Variants in CNBD1 observed in about 807,000 individuals in gnomAD.
The protein encoded by CNBD1 is cyclic nucleotide binding domain containing 1.
A neutral mutation model predicts 54.4 loss-of-function variants in CNBD1; 71 were observed. That is an observed-to-expected ratio of 1.30 (90% CI 1.08 to 1.59). The LOEUF (loss-of-function observed/expected upper bound fraction) is 1.59, where lower values mean the gene tolerates loss of function less well. CNBD1 is among the 40% of genes most tolerant of loss of function. The probability of loss-of-function intolerance (pLI) is 0.00; values close to 1 mark genes in which losing one functional copy is unlikely to be tolerated. For synonymous variants in CNBD1, 182 were observed against 170.7 expected, an observed-to-expected ratio of 1.07 and a Z score of -0.51; for missense variants, 659 against 518.0, an observed-to-expected ratio of 1.27 and a Z score of -2.64.
At chr8:87,336,403 C>A (rs1426174184) in intron 8 of CNBD1, among the ~76,000 whole-genome samples, 2 of 151,966 alleles carry the variant, frequency 1.3e-5, no homozygotes, top group Admixed American at 6.6e-5. Flanking sequence ...TCCTTTTCCC[C>A]TTTTTTCCTC....
rs78611918 is a variant in CNBD1, at chr8:87,269,511, G to A, written c.772-15167G>A. Among the ~76,000 whole-genome samples, 1,687 of 152,176 alleles carry A rather than the reference G, an allele frequency of 0.011. 54 individuals are homozygous for A. The East Asian group carries it at 0.12, about 10-fold the overall frequency. On this transcript the variant is annotated intron_variant, in intron 6 of 10. Transcript: ENST00000518476. Reference sequence around the variant, plus strand: ...GCATTGACTATAATTGCTTTGGGCCGTATGGCCATTTTAACAATATTTATT... The same window carrying A: ...GCATTGACTATAATTGCTTTGGGCCATATGGCCATTTTAACAATATTTATT...
intron 5 of CNBD1, among the ~76,000 whole-genome samples, chr8:87,226,680 A>G (rs1000125032): frequency 6.6e-6 from 1 of 151,852 alleles, no homozygotes; most frequent in Non-Finnish European, 1.5e-5. Context: ...CAATTTTGGA[A>G]TAGGTGTGGT....
At chr8:86,885,339 C>T (rs1199254898) in intron 1 of CNBD1, among the ~76,000 whole-genome samples, 1 of 152,062 alleles carries the variant, frequency 6.6e-6, no homozygotes, top group Non-Finnish European at 1.5e-5. Context: ...TAAAGATAAT[C>T]GGTTTTTTAA....
At chr8:87,058,035 T>C (rs1421749634) in intron 4 of CNBD1, among the ~76,000 whole-genome samples, 1 of 151,512 alleles carries the variant, frequency 6.6e-6, no homozygotes, top group Non-Finnish European at 1.5e-5. Flanking sequence ...CTAGATACAA[T>C]GGGGATACAG....
intron 1 of CNBD1, among the ~76,000 whole-genome samples, chr8:86,883,884 G>T (rs1044321358): frequency 6.6e-6 from 1 of 152,036 alleles, no homozygotes; most frequent in African/African-American, 2.4e-5. Flanking sequence ...GGGCGCGGTG[G>T]CTCACGCCTG....
intron 4 of CNBD1, among the ~76,000 whole-genome samples, chr8:87,165,002 T>A (rs1340955306): frequency 1.3e-5 from 2 of 151,974 alleles, no homozygotes; most frequent in African/African-American, 4.8e-5. Context: ...ACAAGATTTT[T>A]TTTTTACTTC....
intron 10 of CNBD1, among the ~76,000 whole-genome samples, chr8:87,371,398 T>A (rs1810791568): frequency 6.6e-6 from 1 of 152,054 alleles, no homozygotes; most frequent in African/African-American, 2.4e-5. Context: ...TCCTCTTTTA[T>A]TTCATTGAGC....
intron 4 of CNBD1, among the ~76,000 whole-genome samples, chr8:87,192,418 A>G (rs1042051602): frequency 6.6e-6 from 1 of 152,246 alleles, no homozygotes; most frequent in Non-Finnish European, 1.5e-5. Context: ...GGAAATCACT[A>G]TAATAAAAAT....
rs183655886 is a variant in CNBD1 at position 86,952,207 on chromosome 8, C to G, written c.431+12453C>G. 1.9e-3 allele frequency among the ~76,000 whole-genome samples: 287 copies of G among 152,216 alleles called. 2 individuals carry two copies. Among genetic ancestry groups the G allele is most frequent in the Middle Eastern group, 6.8e-3 (2 of 294 alleles). On this transcript the variant is annotated intron_variant, in intron 4 of 10. Transcript: ENST00000518476. ...ATATCTCCCTATAACATACAAAACC[C>G]AAGCTGTTCCCTGACCACTTTGGGC...
chr8:87,343,339 C>T (rs1327716941), intron 8 of CNBD1, among the ~76,000 whole-genome samples: 1 of 152,052 alleles, frequency 6.6e-6, no homozygotes, highest in Non-Finnish European at 1.5e-5. Flanking sequence ...ATCACAGGGT[C>T]CTGAGGTGAC....
intron 10 of CNBD1, among the ~76,000 whole-genome samples, chr8:87,370,207 T>C (rs1810747524): frequency 1.3e-5 from 2 of 152,070 alleles, no homozygotes; most frequent in Non-Finnish European, 2.9e-5. Context: ...TGTGTCTTTA[T>C]AGCAGCATGA....
At chr8:87,226,822 C>T (rs1478050879) in intron 5 of CNBD1, among the ~76,000 whole-genome samples, 7 of 151,206 alleles carry the variant, frequency 4.6e-5, no homozygotes, top group Non-Finnish European at 1.0e-4. Context: ...GTTGATCTGT[C>T]TAATGTTGAC....
intron 2 of CNBD1, among the ~76,000 whole-genome samples, chr8:87,420,371 G>A (rs550193490): frequency 2.0e-5 from 3 of 152,034 alleles, no homozygotes; most frequent in South Asian, 2.1e-4. Flanking sequence ...GAGGTCTCTC[G>A]GAAGGTACAA....
intron 2 of CNBD1, among the ~76,000 whole-genome samples, chr8:87,412,524 A>G (rs1354648505): frequency 6.6e-6 from 1 of 152,080 alleles, no homozygotes; most frequent in African/African-American, 2.4e-5. Context: ...TCAAATAATT[A>G]TTTCCCGAAT....
intron 4 of CNBD1, among the ~76,000 whole-genome samples, chr8:87,124,862 T>C (rs1811960674): frequency 1.3e-5 from 2 of 151,908 alleles, no homozygotes; most frequent in South Asian, 4.1e-4. Context: ...AGTAAAATTG[T>C]CTGTATTTGT....
downstream of CNBD1, among the ~76,000 whole-genome samples, chr8:87,383,443 T>C (rs1811127135): frequency 6.6e-6 from 1 of 152,148 alleles, no homozygotes; most frequent in South Asian, 2.1e-4. Flanking sequence ...ATTTTAGAGA[T>C]AAAGAACTAA....
intron 3 of CNBD1, among the ~76,000 whole-genome samples, chr8:86,915,475 TG>T (rs1280106892): frequency 1.3e-5 from 2 of 152,194 alleles, no homozygotes; most frequent in African/African-American, 4.8e-5. Context: ...AGTTGAGTTT[TG>T]GGGAAGGGCT....
chr8:87,198,086 A>G (rs1813758526), intron 4 of CNBD1, among the ~76,000 whole-genome samples: 1 of 152,262 alleles, frequency 6.6e-6, no homozygotes, highest in Admixed American at 6.5e-5. Flanking sequence ...AAATTAGTCA[A>G]ATGTTTGCAA....
chr8:86,984,192 G>A (rs1808552873), intron 4 of CNBD1, among the ~76,000 whole-genome samples: 1 of 152,168 alleles, frequency 6.6e-6, no homozygotes, highest in Non-Finnish European at 1.5e-5. Context: ...CCAGGCCTTG[G>A]CAGCTTCCAC....
Sources: gnomAD v4.1 joint callset for allele counts (sites outside exome capture counted in the v4.1 genomes callset) on GRCh38, gnomAD v4.1.1 for gene constraint, MANE v1.5 for transcripts, NCBI Gene and HGNC (gene_info 2026-07-23, HGNC 2026-07-21) for gene names.